The following KATNAL2 variants were observed in gnomAD, a reference collection of about 807,000 sequenced individuals.
KATNAL2 encodes katanin p60 ATPase-containing subunit A-like 2.
Under a neutral mutation model 76.3 loss-of-function variants are expected in KATNAL2, and 52 were observed. The ratio of observed to expected loss-of-function variants is 0.68; its 90% CI spans 0.55 to 0.86. KATNAL2 has a LOEUF of 0.86. Ranked by LOEUF, KATNAL2 falls within the 40% of genes least tolerant of loss-of-function variation. The pLI, the probability that KATNAL2 is intolerant of heterozygous loss-of-function variation, is 0.00. For synonymous variants in KATNAL2, 243 were observed against 244.2 expected, an observed-to-expected ratio of 1.00 and a Z score of 0.05; for missense variants, 660 against 668.9, an observed-to-expected ratio of 0.99 and a Z score of 0.15.
intron 10 of KATNAL2, among the ~76,000 whole-genome samples, chr18:47,066,488 T>C (rs1163668745): frequency 6.6e-6 from 1 of 152,084 alleles, no homozygotes; most frequent in South Asian, 2.1e-4. Context: ...TAGGGAATGA[T>C]CGCTAGCGAA....
At chr18:47,082,014 C>G (rs2062547845) in intron 15 of KATNAL2, among the ~76,000 whole-genome samples, 2 of 152,182 alleles carry the variant, frequency 1.3e-5, no homozygotes, top group South Asian at 4.2e-4. Flanking sequence ...TAGTGAAAAT[C>G]TCAGTTCTTA....
chr18:46,960,226 T>A (rs2059894926), intron 3 of KATNAL2, among the ~76,000 whole-genome samples: 1 of 152,050 alleles, frequency 6.6e-6, no homozygotes, highest in African/African-American at 2.4e-5. Flanking sequence ...CACCTGAAGG[T>A]CAGGCATTTG....
chr18:47,045,155 T>C (rs2147050780), intron 3 of KATNAL2, among the ~76,000 whole-genome samples: 1 of 152,120 alleles, frequency 6.6e-6, no homozygotes, highest in South Asian at 2.1e-4. Context: ...ATATTACATA[T>C]ATTTTACCAC....
At chr18:47,084,812 G>A (rs376784999) in intron 15 of KATNAL2, among the ~76,000 whole-genome samples, 28 of 124,134 alleles carry the variant, frequency 2.3e-4, no homozygotes, top group Middle Eastern at 6.7e-3. Flanking sequence ...TTGCACCACT[G>A]CACTCCAGCC....
At chr18:47,085,917 C>T (rs1431952132) in intron 15 of KATNAL2, among the ~76,000 whole-genome samples, 2 of 151,892 alleles carry the variant, frequency 1.3e-5, no homozygotes, top group East Asian at 1.9e-4. Flanking sequence ...AGCAAGACCT[C>T]GTCTCTACAA....
rs1343738670 is a variant in KATNAL2, at chr18:46,946,836, C to T, written c.-19-18C>T. 9.1e-6 allele frequency: 14 copies of T among 1,532,934 alleles called. No individual in the cohort carries two copies. The Admixed American group carries it at 2.0e-4, about 21-fold the overall frequency. The allele number at this position is 1,532,934 out of a possible 1,614,324, so 95.0% of individuals were successfully genotyped here. ...GACCGGTCAGCCCAGTAACTGACTACTTTTCTCCCTTCTCTAGGGTCCTAG... is the reference window on the plus strand; with the variant it reads ...GACCGGTCAGCCCAGTAACTGACTATTTTTCTCCCTTCTCTAGGGTCCTAG... On this transcript the variant is annotated intron_variant, in intron 2 of 17. Coordinates refer to ENST00000683218, the MANE Select transcript of KATNAL2 (RefSeq NM_001387690.1).
intron 1 of KATNAL2, among the ~76,000 whole-genome samples, chr18:46,933,254 A>G (rs928062203): frequency 4.6e-5 from 7 of 152,230 alleles, no homozygotes; most frequent in Non-Finnish European, 1.0e-4. Context: ...CAAAATCTAG[A>G]TGACGATATT....
intron 5 of KATNAL2, among the ~76,000 whole-genome samples, chr18:47,053,567 G>T (rs1223888792): frequency 1.3e-5 from 2 of 152,222 alleles, no homozygotes; most frequent in East Asian, 1.9e-4. Flanking sequence ...CTGGAGGAAA[G>T]ATCTAAAGTG....
chr18:46,968,247 C>G (rs1360799724), intron 3 of KATNAL2, among the ~76,000 whole-genome samples: 1 of 119,790 alleles, frequency 8.3e-6, no homozygotes, highest in African/African-American at 3.2e-5. Flanking sequence ...AAGAAAACAC[C>G]AACAGCAACA....
chr18:47,095,567 A>C (rs566172225), intron 15 of KATNAL2, among the ~76,000 whole-genome samples: 1 of 152,298 alleles, frequency 6.6e-6, no homozygotes, highest in African/African-American at 2.4e-5. Context: ...TTCCTTTATA[A>C]ATTACCCAGT....
intron 3 of KATNAL2, among the ~76,000 whole-genome samples, chr18:47,044,496 C>T (rs900161468): frequency 2.0e-5 from 3 of 152,170 alleles, no homozygotes; most frequent in Admixed American, 6.5e-5. Context: ...CGGTGGCTCA[C>T]GCCTGTAATC....
At chr18:47,042,247 T>C (rs1189251243) in intron 3 of KATNAL2, among the ~76,000 whole-genome samples, 6 of 152,234 alleles carry the variant, frequency 3.9e-5, no homozygotes, top group Non-Finnish European at 8.8e-5. Context: ...TTTATTTATT[T>C]TAGACTAAAT....
In KATNAL2 at chr18:47,046,476, C is replaced by A; in HGVS notation, c.71C>A (p.Ala24Glu). Residue 24 changes from alanine to glutamate, a missense_variant, in exon 4 of 18, where the codon GCA (alanine) becomes GAA (glutamate). Physicochemically the swap from Ala to Glu is moderately radical, Grantham distance 107. Coordinates refer to ENST00000683218, the MANE Select transcript of KATNAL2 (RefSeq NM_001387690.1). ...TTCCAGTGCGAGATGAGGACAGAAGCACGACGAAAAAATCTTCTCATTTTG... is the reference window on the plus strand; with the variant it reads ...TTCCAGTGCGAGATGAGGACAGAAGAACGACGAAAAAATCTTCTCATTTTG... The part of the protein sequence containing the change: ...AREACEMRTE[A>E]RRKNLLILIS... 1.3e-6 allele frequency: 2 copies of A among 1,535,878 alleles called. No homozygotes were observed. The highest frequency in any genetic ancestry group is 1.7e-6 in the Non-Finnish European group (2 of 1,146,740).
In KATNAL2 at chr18:47,099,231, G is replaced by A. The variant is rs760481500; in HGVS notation, c.1212-12G>A. The A allele has an allele frequency of 5.0e-6, 8 of 1,601,908 alleles. No homozygotes were observed. In the South Asian group the frequency reaches 7.8e-5, roughly 16 times the overall value. ...GCAGCCCTGTCCAGCTCCATTTCTGGTGTGATTTCAGGGAGCTGGACTGTG... is the reference window on the plus strand; with the variant it reads ...GCAGCCCTGTCCAGCTCCATTTCTGATGTGATTTCAGGGAGCTGGACTGTG... On this transcript the variant is annotated splice_polypyrimidine_tract_variant and intron_variant, in intron 15 of 17. Coordinates refer to ENST00000683218, the MANE Select transcript of KATNAL2 (RefSeq NM_001387690.1).
rs758554447 is a variant in KATNAL2 at position 47,063,353 on chromosome 18, G to A, written c.718G>A (p.Val240Met). The change falls in exon 10 of 18, where the codon GTG (valine) becomes ATG (methionine). Residue 240 changes from valine (V) to methionine (M), a missense_variant. Val to Met is a conservative substitution (Grantham distance 21). Transcript: ENST00000683218. The stretch of plus-strand genomic sequence containing the variant: ...TGAGATGCGAGAATTGGCAGCCGTG[G>A]TGAGCCGGGTAAGATCTGATATTCA... ...NSEMRELAAV[V>M]SRDIYLHNPN... is the part of the protein sequence containing the mutation. 8 of 1,613,770 alleles carry A rather than the reference G, an allele frequency of 5.0e-6. No individual in the cohort carries two copies. Among genetic ancestry groups the A allele is most frequent in the East Asian group, 4.5e-5 (2 of 44,896 alleles).
chr18:47,067,162 C>A, intron 11 of KATNAL2, 43 bp downstream of exon 11: 1 of 980,622 alleles, frequency 1.0e-6, no homozygotes, highest in Non-Finnish European at 1.6e-6. Context: ...TGTTCACTAT[C>A]CATTGGACAA....
intron 1 of KATNAL2, among the ~76,000 whole-genome samples, chr18:46,921,767 G>T (rs117910298): frequency 6.6e-6 from 1 of 151,562 alleles, no homozygotes; most frequent in East Asian, 1.9e-4. Flanking sequence ...TTAGCAAAGA[G>T]CATTCCAACC....
intron 1 of KATNAL2, among the ~76,000 whole-genome samples, chr18:46,934,984 C>G (rs1251274468): frequency 1.3e-5 from 2 of 152,098 alleles, no homozygotes; most frequent in South Asian, 2.1e-4. Flanking sequence ...GTCAAAATAT[C>G]TTATAAATAA....
At chr18:47,090,762 G>C (rs1453970282) in intron 15 of KATNAL2, among the ~76,000 whole-genome samples, 4 of 152,134 alleles carry the variant, frequency 2.6e-5, no homozygotes, top group Admixed American at 6.5e-5. Context: ...TAGAAACTCA[G>C]AACTAGGATG....
Sources: allele counts gnomAD v4.1 joint callset (sites outside exome capture counted in the v4.1 genomes callset), GRCh38; gene constraint gnomAD v4.1.1; transcripts MANE v1.5; gene names NCBI Gene and HGNC (gene_info 2026-07-23, HGNC 2026-07-21).